The following ATAD2B variants were observed in gnomAD, a reference collection of about 807,000 sequenced individuals.
ATAD2B encodes ATPase family AAA domain containing 2B.
A neutral mutation model predicts 167.6 loss-of-function variants in ATAD2B; 40 were observed. The ratio of observed to expected loss-of-function variants is 0.24; its 90% CI spans 0.19 to 0.31. The LOEUF (loss-of-function observed/expected upper bound fraction) is 0.31, where lower values mean the gene tolerates loss of function less well. Ranked by LOEUF, ATAD2B falls within the 10% of genes least tolerant of loss-of-function variation. The pLI is 1.00. For synonymous variants in ATAD2B, 579 were observed against 596.5 expected (o/e 0.97, Z 0.43); for missense variants, 1,242 against 1,757.2 (o/e 0.71, Z 5.24).
chr2:23,873,308 C>A (rs943261584), intron 8 of ATAD2B, among the ~76,000 whole-genome samples: 1 of 151,944 alleles, frequency 6.6e-6, no homozygotes, highest in African/African-American at 2.4e-5. Context: ...TAAAGAGAAC[C>A]AAAAATGGTA....
intron 24 of ATAD2B, among the ~76,000 whole-genome samples, chr2:23,758,523 G>C (rs1473364683): frequency 6.6e-6 from 1 of 152,162 alleles, no homozygotes; most frequent in Non-Finnish European, 1.5e-5. Flanking sequence ...CTAGCAAAAG[G>C]TAGCTCCTAA....
At chr2:23,855,024 G>A (rs1385094828) in intron 13 of ATAD2B, among the ~76,000 whole-genome samples, 1 of 151,986 alleles carries the variant, frequency 6.6e-6, no homozygotes, top group Non-Finnish European at 1.5e-5. Context: ...GCAAAACCCT[G>A]TCTCTACTAA....
the ATAD2B span, among the ~76,000 whole-genome samples, chr2:23,695,295 G>T: frequency 6.6e-6 from 1 of 152,118 alleles, no homozygotes; most frequent in African/African-American, 2.4e-5. This position sits in a 1 kb window ranked among gnomAD's most constrained non-coding sequence, Gnocchi z 7.6. Flanking sequence ...CCTGCCCCCA[G>T]TGGCCTGATC....
At chr2:23,703,849 T>A in the ATAD2B span, 2 of 1,536,912 alleles carry the variant, frequency 1.3e-6, no homozygotes, top group Non-Finnish European at 1.7e-6. Context: ...TGAACCACTC[T>A]CGCCAGTTCT....
chr2:23,921,776 T>C (rs1029222117), intron 1 of ATAD2B, among the ~76,000 whole-genome samples: 2 of 152,178 alleles, frequency 1.3e-5, no homozygotes, highest in Admixed American at 1.3e-4. Context: ...ATATTGTACC[T>C]ATATTGTACT....
At chr2:23,800,259 A>C (rs2149471796) in intron 18 of ATAD2B, among the ~76,000 whole-genome samples, 1 of 152,252 alleles carries the variant, frequency 6.6e-6, no homozygotes, top group African/African-American at 2.4e-5. Flanking sequence ...TTACTAAGAA[A>C]CCTCACAAAG....
rs535966059 is a variant in ATAD2B at position 23,918,314 on chromosome 2, C to T, written c.216+8241G>A. On this transcript the variant is annotated intron_variant, in intron 1 of 27. Coordinates refer to ENST00000238789, the MANE Select transcript of ATAD2B (RefSeq NM_017552.4). Reference sequence around the variant, plus strand: ...TGAACTCAGGAGGTCAAGGCTGCAACGAGCTGTGATTGCACTACTGCACTC... The same window carrying T: ...TGAACTCAGGAGGTCAAGGCTGCAATGAGCTGTGATTGCACTACTGCACTC... Among the ~76,000 whole-genome samples, 9 of 151,466 alleles carry T rather than the reference C, an allele frequency of 5.9e-5. No homozygotes were observed. The South Asian group carries it at 1.3e-3, about 21-fold the overall frequency.
the ATAD2B span, among the ~76,000 whole-genome samples, chr2:23,713,530 T>A: frequency 5.9e-5 from 9 of 152,142 alleles, no homozygotes; most frequent in Non-Finnish European, 1.5e-5. Context: ...AACACTTTCA[T>A]CACCCCAGAA....
chr2:23,850,328 T>G (rs1433441640), intron 13 of ATAD2B, among the ~76,000 whole-genome samples: 1 of 152,148 alleles, frequency 6.6e-6, no homozygotes, highest in African/African-American at 2.4e-5. Flanking sequence ...TGGAAATTAT[T>G]TTGAACTGAA....
chr2:23,805,180 C>T (rs1447845914), intron 18 of ATAD2B, among the ~76,000 whole-genome samples: 1 of 151,696 alleles, frequency 6.6e-6, no homozygotes, highest in Non-Finnish European at 1.5e-5. Flanking sequence ...AAATATTTCT[C>T]TTTCAAAGTG....
intron 22 of ATAD2B, among the ~76,000 whole-genome samples, chr2:23,779,585 T>C (rs1419453292): frequency 6.6e-6 from 1 of 152,164 alleles, no homozygotes; most frequent in Admixed American, 6.5e-5. Context: ...AAGGAACTTA[T>C]TCTAAGGAAA....
At chr2:23,803,454 T>G (rs926239899) in intron 18 of ATAD2B, among the ~76,000 whole-genome samples, 2 of 152,174 alleles carry the variant, frequency 1.3e-5, no homozygotes, top group African/African-American at 4.8e-5. Flanking sequence ...CTGAGATGCA[T>G]TTTTACAAAG....
chr2:23,733,735 A>G, the ATAD2B span, among the ~76,000 whole-genome samples: 1 of 151,986 alleles, frequency 6.6e-6, no homozygotes. Flanking sequence ...CCAACATCCA[A>G]TCACTGAATC....
chr2:23,772,954 C>G (rs538286653), intron 22 of ATAD2B, among the ~76,000 whole-genome samples: 1 of 152,302 alleles, frequency 6.6e-6, no homozygotes, highest in Non-Finnish European at 1.5e-5. Flanking sequence ...AGGTTTCACA[C>G]TGGCCTCACA....
the ATAD2B span, among the ~76,000 whole-genome samples, chr2:23,732,070 C>A: frequency 6.6e-6 from 1 of 152,168 alleles, no homozygotes; most frequent in African/African-American, 2.4e-5. Flanking sequence ...CACAGCACAT[C>A]TCAATTTGTA....
chr2:23,736,123 T>C, the ATAD2B span, among the ~76,000 whole-genome samples: 5 of 152,178 alleles, frequency 3.3e-5, no homozygotes, highest in African/African-American at 4.8e-5. Flanking sequence ...GTTCTGAAAA[T>C]AGAGAATACT....
chr2:23,874,731 C>G (rs1454971814), intron 8 of ATAD2B, among the ~76,000 whole-genome samples: 2 of 151,660 alleles, frequency 1.3e-5, no homozygotes, highest in South Asian at 2.1e-4. Context: ...AGAAACTTTC[C>G]TTTGTTTCTA....
intron 22 of ATAD2B, among the ~76,000 whole-genome samples, chr2:23,769,438 T>C (rs533123776): frequency 4.5e-4 from 69 of 151,986 alleles, no homozygotes; most frequent in African/African-American, 1.6e-3. Flanking sequence ...AGACAGCGTC[T>C]CTTTATTTAT....
At chr2:23,753,917 A>T (rs1675652217) in intron 27 of ATAD2B, among the ~76,000 whole-genome samples, 1 of 152,060 alleles carries the variant, frequency 6.6e-6, no homozygotes, top group African/African-American at 2.4e-5. Context: ...ATTTCTGTAT[A>T]TTTACCACCC....
Sources: gnomAD v4.1 joint callset for allele counts (sites outside exome capture counted in the v4.1 genomes callset) on GRCh38, gnomAD v4.1.1 for gene constraint, Gnocchi (gnomAD v3.1) non-coding constraint, MANE v1.5 for transcripts, NCBI Gene and HGNC (gene_info 2026-07-23, HGNC 2026-07-21) for gene names.